Variants in DTNB observed in about 807,000 individuals in gnomAD.
DTNB encodes DTN-B.
A neutral mutation model predicts 90.7 loss-of-function variants in DTNB; 63 were observed. That is an observed-to-expected ratio of 0.69 (90% CI 0.57 to 0.86). The LOEUF is 0.86. Among genes scored for constraint, DTNB ranks in the 40% least tolerant of loss-of-function variants. The pLI is 0.00. For synonymous variants in DTNB, 277 were observed against 286.7 expected (o/e 0.97, Z 0.34); for missense variants, 744 against 807.1 (o/e 0.92, Z 0.95).
At chr2:25,665,727 T>A (rs1574240495) in intron 1 of DTNB, among the ~76,000 whole-genome samples, 1 of 150,586 alleles carries the variant, frequency 6.6e-6, no homozygotes, top group East Asian at 1.9e-4. Flanking sequence ...TTCAGAAAAA[T>A]TCTCAAATAT....
At chr2:25,640,669 G>C (rs1479922616) in intron 2 of DTNB, among the ~76,000 whole-genome samples, 3 of 152,028 alleles carry the variant, frequency 2.0e-5, no homozygotes, top group Non-Finnish European at 2.9e-5. Context: ...CAGTACTTTG[G>C]GGGGCTGAGG....
intron 12 of DTNB, among the ~76,000 whole-genome samples, chr2:25,438,543 A>C (rs1364163815): frequency 1.3e-5 from 2 of 152,208 alleles, no homozygotes; most frequent in Non-Finnish European, 2.9e-5. Flanking sequence ...ATTTGATTAT[A>C]TGTGTTAAAA....
At chr2:25,648,611 T>C (rs989790534) in intron 2 of DTNB, among the ~76,000 whole-genome samples, 1 of 152,144 alleles carries the variant, frequency 6.6e-6, no homozygotes, top group African/African-American at 2.4e-5. Flanking sequence ...ATTAAATTAT[T>C]ATGACTGCTT....
intron 2 of DTNB, among the ~76,000 whole-genome samples, chr2:25,644,090 C>A (rs981459285): frequency 6.6e-6 from 1 of 152,158 alleles, no homozygotes; most frequent in African/African-American, 2.4e-5. Context: ...ATGAATAATC[C>A]ACCTCTTGTT....
intron 18 of DTNB, among the ~76,000 whole-genome samples, chr2:25,386,684 G>C (rs922178869): frequency 6.6e-6 from 1 of 152,166 alleles, no homozygotes; most frequent in Non-Finnish European, 1.5e-5. Flanking sequence ...AAAGGTCTTT[G>C]GGAAGTCACT....
At chr2:25,536,492 AG>A (rs2079805914) in intron 8 of DTNB, among the ~76,000 whole-genome samples, 1 of 152,188 alleles carries the variant, frequency 6.6e-6, no homozygotes, top group South Asian at 2.1e-4. Flanking sequence ...ACCCGAGGCC[AG>A]GAGCTGGAGA....
At chr2:25,577,201 G>A (rs1055090647) in intron 7 of DTNB, among the ~76,000 whole-genome samples, 197 bp from the exon 8 acceptor site, 5 of 152,196 alleles carry the variant, frequency 3.3e-5, no homozygotes, top group African/African-American at 1.2e-4. Flanking sequence ...ATGGGAGGCT[G>A]AGGTGGGCAG....
At chr2:25,480,248 CA>C in intron 10 of DTNB, among the ~76,000 whole-genome samples, 1 of 152,274 alleles carries the variant, frequency 6.6e-6, no homozygotes, top group Middle Eastern at 3.4e-3. Context: ...GCTTCTTAAT[CA>C]ATCGGAGCTC....
At chr2:25,480,503 G>A (rs773678440) in intron 10 of DTNB, among the ~76,000 whole-genome samples, 1 of 152,168 alleles carries the variant, frequency 6.6e-6, no homozygotes, top group Non-Finnish European at 1.5e-5. Flanking sequence ...GTGTAACACA[G>A]CAAGCCTGAG....
Position 25,618,684 on chromosome 2 carries a change from T to C in DTNB, c.362+9487A>G, listed in dbSNP as rs147145904. On this transcript the variant is annotated intron_variant, in intron 4 of 20. Transcript: ENST00000406818. ...ACACTAAGATGAAAAGATAAACAGGTAATATTTGTTGAGATGATAAGACAG... is the reference window on the plus strand; with the variant it reads ...ACACTAAGATGAAAAGATAAACAGGCAATATTTGTTGAGATGATAAGACAG... Among the ~76,000 whole-genome samples the C allele has an allele frequency of 3.0e-3, 458 of 152,196 alleles. 4 individuals are homozygous for C. The highest frequency in any genetic ancestry group is 3.4e-3 in the Admixed American group (52 of 15,282).
At chr2:25,474,519 T>TC (rs1340664655) in intron 10 of DTNB, among the ~76,000 whole-genome samples, 4 of 152,100 alleles carry the variant, frequency 2.6e-5, no homozygotes, top group Non-Finnish European at 5.9e-5. Context: ...TTTCTTAGTT[T>TC]CCCCCAACAT....
chr2:25,401,107 C>T (rs1287741038), intron 16 of DTNB, among the ~76,000 whole-genome samples: 1 of 152,198 alleles, frequency 6.6e-6, no homozygotes, highest in East Asian at 1.9e-4. Context: ...CACACAAAAT[C>T]AGTAGACAGG....
intron 8 of DTNB, among the ~76,000 whole-genome samples, chr2:25,545,071 T>G (rs574322487): frequency 6.6e-6 from 1 of 152,242 alleles, no homozygotes; most frequent in Non-Finnish European, 1.5e-5. Context: ...CTTTTATCTG[T>G]GTTCAGCACT....
chr2:25,504,794 G>C (rs1377255089), intron 9 of DTNB, among the ~76,000 whole-genome samples: 4 of 152,118 alleles, frequency 2.6e-5, no homozygotes, highest in African/African-American at 9.7e-5. Flanking sequence ...TCCCCAAATA[G>C]ATCTATTGAT....
chr2:25,453,262 A>G (rs879692976), intron 11 of DTNB, among the ~76,000 whole-genome samples: 15 of 152,252 alleles, frequency 9.9e-5, no homozygotes, highest in Non-Finnish European at 1.9e-4. Flanking sequence ...TGTGGATGAC[A>G]GACTGCTTTA....
intron 4 of DTNB, among the ~76,000 whole-genome samples, chr2:25,609,537 G>A (rs976117250): frequency 2.7e-5 from 4 of 150,206 alleles, no homozygotes; most frequent in African/African-American, 4.9e-5. Flanking sequence ...GGCGGAGGTT[G>A]CAGTGAGCTG....
At chr2:25,529,871 T>C (rs1436601774) in intron 9 of DTNB, among the ~76,000 whole-genome samples, 1 of 152,112 alleles carries the variant, frequency 6.6e-6, no homozygotes, top group African/African-American at 2.4e-5. Context: ...TCGAAGAGAA[T>C]AGAAACATTC....
chr2:25,604,079 T>C (rs1488476780), intron 5 of DTNB, among the ~76,000 whole-genome samples: 1 of 152,152 alleles, frequency 6.6e-6, no homozygotes, highest in Non-Finnish European at 1.5e-5. Context: ...CGTAGCATAT[T>C]AAAAGTAGTA....
intron 16 of DTNB, among the ~76,000 whole-genome samples, chr2:25,415,929 T>A (rs530782113): frequency 6.6e-6 from 1 of 152,256 alleles, no homozygotes; most frequent in South Asian, 2.1e-4. Context: ...TTCTCAGAGT[T>A]TCATGAACCA....
Sources: allele counts gnomAD v4.1 joint callset (sites outside exome capture counted in the v4.1 genomes callset), GRCh38; gene constraint gnomAD v4.1.1; transcripts MANE v1.5; gene names NCBI Gene and HGNC (gene_info 2026-07-23, HGNC 2026-07-21).